Variants in TMEM132B observed in about 807,000 individuals in gnomAD.
TMEM132B encodes transmembrane protein 132B.
Under a neutral mutation model 90.8 loss-of-function variants are expected in TMEM132B, and 18 were observed. The observed-to-expected ratio is 0.20, with a 90% CI of 0.14 to 0.29. The LOEUF (loss-of-function observed/expected upper bound fraction) is 0.29. TMEM132B is among the 10% of genes least tolerant of loss of function. The pLI is 1.00. For synonymous variants in TMEM132B, 504 were observed against 523.3 expected (o/e 0.96, Z 0.50); for missense variants, 1,096 against 1,326.8 (o/e 0.83, Z 2.70).
In TMEM132B at chr12:125,625,324, G is replaced by A. The variant is rs7138804; in HGVS notation, c.1438-18752G>A. Among the ~76,000 whole-genome samples, 782 of 151,834 alleles carry A rather than the reference G, an allele frequency of 5.2e-3. 2 individuals carry two copies. The highest frequency in any genetic ancestry group is 0.018 in the African/African-American group (734 of 41,400). On this transcript the variant is annotated intron_variant, in intron 5 of 8. Coordinates refer to ENST00000682704, the MANE Select transcript of TMEM132B (RefSeq NM_001366854.1). ...ATTTTTTTATATTTTTAGTAGAGAC[G>A]GGGTTTCACCGTGTTAGCCAGGATG... is the stretch of plus-strand genomic sequence containing the variant.
rs1374584121 is a variant in TMEM132B, at chr12:125,408,693, T to C, written c.960-6838T>C. 6.6e-6 allele frequency among the ~76,000 whole-genome samples: 1 copy of C among 152,230 alleles called. No homozygotes were observed. The highest frequency in any genetic ancestry group is 1.5e-5 in the Non-Finnish European group (1 of 68,042). ...TGTCGTGCACCTTCTTGTATGTGTGTCTTGGGGAACAGGTGCATGTGTTTC... is the reference window on the plus strand; with the variant it reads ...TGTCGTGCACCTTCTTGTATGTGTGCCTTGGGGAACAGGTGCATGTGTTTC... On this transcript the variant is annotated intron_variant, in intron 2 of 8. Coordinates refer to ENST00000682704, the MANE Select transcript of TMEM132B (RefSeq NM_001366854.1). This position sits in a 1 kb window ranked among gnomAD's most constrained non-coding sequence, Gnocchi z 5.9.
chr12:125,463,917 G>C (rs1163417034), intron 3 of TMEM132B, among the ~76,000 whole-genome samples: 1 of 152,214 alleles, frequency 6.6e-6, no homozygotes, highest in African/African-American at 2.4e-5. Context: ...AGCAGGCACT[G>C]TCTTCACAAG....
intron 1 of TMEM132B, among the ~76,000 whole-genome samples, chr12:125,296,268 T>C (rs930919356): frequency 1.3e-5 from 2 of 152,200 alleles, no homozygotes; most frequent in Admixed American, 6.5e-5. Flanking sequence ...TCTCCTCACT[T>C]TTCTTCCCAC....
chr12:125,428,344 G>A (rs1880392284), intron 3 of TMEM132B, among the ~76,000 whole-genome samples: 1 of 151,658 alleles, frequency 6.6e-6, no homozygotes, highest in Admixed American at 6.6e-5. Context: ...TAGAAACCCG[G>A]GCCTCTCCAT....
intron 1 of TMEM132B, among the ~76,000 whole-genome samples, chr12:125,325,977 G>C (rs2136195794): frequency 6.6e-6 from 1 of 152,228 alleles, no homozygotes; most frequent in East Asian, 1.9e-4. Context: ...GCTTTTCATG[G>C]TGTTGACCCC....
intron 4 of TMEM132B, among the ~76,000 whole-genome samples, chr12:125,523,481 G>T (rs1883363997): frequency 6.6e-6 from 1 of 152,048 alleles, no homozygotes; most frequent in African/African-American, 2.4e-5. Flanking sequence ...GATAATTCAG[G>T]ATAATCTCCC....
intron 4 of TMEM132B, among the ~76,000 whole-genome samples, chr12:125,569,756 C>T (rs1028397757): frequency 7.2e-5 from 11 of 152,072 alleles, no homozygotes; most frequent in African/African-American, 1.9e-4. Flanking sequence ...GAAGCTTGAC[C>T]AACCCCCCCA....
intron 1 of TMEM132B, among the ~76,000 whole-genome samples, chr12:125,248,896 T>C (rs1461044419): frequency 6.6e-6 from 1 of 152,100 alleles, no homozygotes; most frequent in Non-Finnish European, 1.5e-5. Flanking sequence ...TCTCCATCAG[T>C]CTTCTTCCTG....
chr12:125,563,524 C>T (rs1057054852), intron 4 of TMEM132B, among the ~76,000 whole-genome samples: 2 of 151,894 alleles, frequency 1.3e-5, no homozygotes, highest in African/African-American at 4.8e-5. Flanking sequence ...TGAGATCGCA[C>T]CACTGCACTC....
At chr12:125,614,577 T>C (rs1436923741) in intron 5 of TMEM132B, among the ~76,000 whole-genome samples, 2 of 152,168 alleles carry the variant, frequency 1.3e-5, no homozygotes, top group Non-Finnish European at 2.9e-5. Flanking sequence ...AGTGAACATA[T>C]GAGTTCATGT....
chr12:125,389,736 G>C (rs1426979688), intron 2 of TMEM132B, among the ~76,000 whole-genome samples: 1 of 152,158 alleles, frequency 6.6e-6, no homozygotes, highest in Non-Finnish European at 1.5e-5. Context: ...CTGTGGACAT[G>C]TGGCAGGGTT....
intron 1 of TMEM132B, among the ~76,000 whole-genome samples, chr12:125,279,034 A>G (rs1418657005): frequency 1.3e-5 from 2 of 152,218 alleles, no homozygotes; most frequent in East Asian, 3.8e-4. Flanking sequence ...CCCAACAGGA[A>G]GAAGTGCCAT....
In TMEM132B at chr12:125,368,397, G is replaced by C. The variant is rs141638783; in HGVS notation, c.959+18054G>C. Among the ~76,000 whole-genome samples the C allele has an allele frequency of 4.1e-4, 63 of 152,316 alleles. 1 individual carries two copies. The highest frequency in any genetic ancestry group is 1.3e-3 in the African/African-American group (52 of 41,572). On this transcript the variant is annotated intron_variant, in intron 2 of 8. Coordinates refer to ENST00000682704, the MANE Select transcript of TMEM132B (RefSeq NM_001366854.1). ...TACATAATTAAGGTGGTATCTGCCAGTAGTTTCAACTGTGAAGTTACTGCT... is the reference window on the plus strand; with the variant it reads ...TACATAATTAAGGTGGTATCTGCCACTAGTTTCAACTGTGAAGTTACTGCT...
chr12:125,526,174 T>A (rs1192450629), intron 4 of TMEM132B, among the ~76,000 whole-genome samples: 1 of 152,288 alleles, frequency 6.6e-6, no homozygotes, highest in East Asian at 1.9e-4. Context: ...TCCTGCCTTG[T>A]GACACAGTAA....
Position 125,644,230 on chromosome 12 carries a change from C to T in TMEM132B, c.1592C>T (p.Thr531Ile). The change falls in exon 6 of 9, where the codon ACC (threonine) becomes ATC (isoleucine). Residue 531 changes from threonine (T) to isoleucine (I), a missense_variant. Coordinates refer to ENST00000682704, the MANE Select transcript of TMEM132B (RefSeq NM_001366854.1). The part of the protein sequence containing the change: ...RLPLQIEISD[T>I]ELSQIKGWRI... The stretch of plus-strand genomic sequence containing the variant: ...CCCCTGCAGATTGAGATCTCAGACA[C>T]CGAGCTGAGCCAGATCAAGGGCTGG... 2 of 1,614,182 alleles carry T rather than the reference C, an allele frequency of 1.2e-6. No individual in the cohort carries two copies. The highest frequency in any genetic ancestry group is 1.7e-6 in the Non-Finnish European group (2 of 1,180,034).
chr12:125,248,886 T>G (rs1465179771), intron 1 of TMEM132B, among the ~76,000 whole-genome samples: 1 of 152,122 alleles, frequency 6.6e-6, no homozygotes, highest in Non-Finnish European at 1.5e-5. Flanking sequence ...CCTGCTGTCA[T>G]CTCCATCAGT....
rs61945408 is a variant in TMEM132B, at chr12:125,492,887, G to A, written c.1107-26552G>A. On this transcript the variant is annotated intron_variant, in intron 3 of 8. Coordinates refer to ENST00000682704, the MANE Select transcript of TMEM132B (RefSeq NM_001366854.1). This position sits in a 1 kb window ranked among gnomAD's most constrained non-coding sequence, Gnocchi z 5.8. ...CCTCAAGAGCTTGCAGTCCAGGAAG[G>A]GAGATGAAAATAAACCCGTGAAGAT... Among the ~76,000 whole-genome samples the A allele has an allele frequency of 6.6e-6, 1 of 152,196 alleles. No homozygotes were observed. The highest frequency in any genetic ancestry group is 1.5e-5 in the Non-Finnish European group (1 of 68,026).
rs968975729 is a variant in TMEM132B at position 125,459,666 on chromosome 12, G to T, written c.1106+43989G>T. Among the ~76,000 whole-genome samples, 8 of 152,214 alleles carry T rather than the reference G, an allele frequency of 5.3e-5. No individual in the cohort carries two copies. Among genetic ancestry groups the T allele is most frequent in the Non-Finnish European group, 1.0e-4 (7 of 68,038 alleles). On this transcript the variant is annotated intron_variant, in intron 3 of 8. Coordinates refer to ENST00000682704, the MANE Select transcript of TMEM132B (RefSeq NM_001366854.1). The surrounding 1 kb of genome is among the most constrained non-coding windows in gnomAD (Gnocchi z 4.1). ...ATTGTATGTTTTAAAATAACTAGAA[G>T]AGTATAATTGGATTGTTTGTAACAC...
intron 3 of TMEM132B, among the ~76,000 whole-genome samples, chr12:125,463,429 T>C (rs1388639893): frequency 3.3e-5 from 5 of 152,234 alleles, no homozygotes; most frequent in South Asian, 2.1e-4. Flanking sequence ...CTTATAGCTT[T>C]CCCCCTCTTT....
Sources: allele counts gnomAD v4.1 joint callset (sites outside exome capture counted in the v4.1 genomes callset), GRCh38; gene constraint gnomAD v4.1.1; non-coding constraint Gnocchi (gnomAD v3.1); transcripts MANE v1.5; gene names NCBI Gene and HGNC (gene_info 2026-07-23, HGNC 2026-07-21).